RFX8: variants seen among roughly 807,000 people sequenced by gnomAD.
The protein encoded by RFX8 is regulatory factor X8.
In RFX8, 46 loss-of-function variants were observed where a neutral mutation model predicts 54.6. That is an observed-to-expected ratio of 0.84 (90% confidence interval 0.67 to 1.08). RFX8 has a LOEUF of 1.08. Ranked by LOEUF, RFX8 falls within the 50% of genes least tolerant of loss-of-function variation. The pLI is 0.00. For synonymous variants in RFX8, 192 were observed against 209.5 expected (o/e 0.92, Z 0.72); for missense variants, 536 against 562.3 (o/e 0.95, Z 0.47).
Position 101,415,973 on chromosome 2 carries a change from C to A in RFX8, c.503-1061G>T, listed in dbSNP as rs1573380049. On this transcript the variant is annotated intron_variant, in intron 6 of 11. Transcript: ENST00000428343. Reference sequence around the variant, plus strand: ...GCATAGAAAATGGCAGGAATAAGGGCCTTTTCTGGGGACAGCCTGTCTAGT... The same window carrying A: ...GCATAGAAAATGGCAGGAATAAGGGACTTTTCTGGGGACAGCCTGTCTAGT... Among the ~76,000 whole-genome samples the A allele has an allele frequency of 3.3e-5, 5 of 152,272 alleles. No individual in the cohort carries two copies. In the East Asian group the frequency reaches 9.7e-4, roughly 29 times the overall value.
At chr2:101,417,766 C>T (rs1488210885) in intron 5 of RFX8, 82 bp from the exon 6 acceptor site, 16 of 1,245,700 alleles carry the variant, frequency 1.3e-5, no homozygotes, top group Admixed American at 1.1e-4. Flanking sequence ...AGGGACAGGG[C>T]GGGTCTCAAG....
chr2:101,415,449 A>G (rs774909099), intron 6 of RFX8, among the ~76,000 whole-genome samples: 6 of 152,210 alleles, frequency 3.9e-5, no homozygotes, highest in African/African-American at 7.2e-5. Flanking sequence ...AGTTGTTTAT[A>G]TACTGCCACC....
At chr2:101,444,006 T>C (rs1230277411) in intron 2 of RFX8, among the ~76,000 whole-genome samples, 1 of 152,048 alleles carries the variant, frequency 6.6e-6, no homozygotes, top group Non-Finnish European at 1.5e-5. Context: ...GTATGTAGCG[T>C]CACTACTCTC....
intron 8 of RFX8, among the ~76,000 whole-genome samples, chr2:101,412,460 T>C (rs1007142148): frequency 2.0e-5 from 3 of 152,222 alleles, no homozygotes; most frequent in African/African-American, 7.2e-5. Context: ...AAAAGCACCA[T>C]TGTTAAACTT....
intron 2 of RFX8, among the ~76,000 whole-genome samples, chr2:101,422,991 C>T (rs1416634394): frequency 6.6e-6 from 1 of 152,160 alleles, no homozygotes; most frequent in Non-Finnish European, 1.5e-5. Flanking sequence ...GGCATGGTGG[C>T]TCATGCCTAT....
At chr2:101,424,460 G>C (rs192798058) in intron 2 of RFX8, among the ~76,000 whole-genome samples, 7 of 152,186 alleles carry the variant, frequency 4.6e-5, no homozygotes, top group Non-Finnish European at 8.8e-5. Context: ...ACAATGTGGC[G>C]ATTCCTCAAG....
At chr2:101,469,744 T>C (rs1689872842) in intron 1 of RFX8, among the ~76,000 whole-genome samples, 1 of 152,182 alleles carries the variant, frequency 6.6e-6, no homozygotes, top group Non-Finnish European at 1.5e-5. Context: ...TATGAATTGC[T>C]GTCCTCCCAA....
intron 2 of RFX8, among the ~76,000 whole-genome samples, chr2:101,446,868 A>G (rs1681665660): frequency 6.6e-6 from 1 of 152,184 alleles, no homozygotes; most frequent in Non-Finnish European, 1.5e-5. Context: ...AGGAGCCTAC[A>G]GATCAGCAAG....
intron 2 of RFX8, among the ~76,000 whole-genome samples, chr2:101,449,754 T>C (rs1162727426): frequency 6.6e-6 from 1 of 151,686 alleles, no homozygotes; most frequent in African/African-American, 2.4e-5. Flanking sequence ...CAGGAGGCCA[T>C]AGGTGAAAGA....
intron 2 of RFX8, among the ~76,000 whole-genome samples, chr2:101,460,200 T>TG (rs35914826): frequency 0.3 from 45,481 of 151,898 alleles, 7,208 homozygotes; most frequent in Middle Eastern, 0.37. Flanking sequence ...TTGAGCTTCC[T>TG]GGTGAGGCGA....
At chr2:101,445,539 C>T (rs1229745558) in intron 2 of RFX8, among the ~76,000 whole-genome samples, 2 of 151,770 alleles carry the variant, frequency 1.3e-5, no homozygotes, top group Non-Finnish European at 2.9e-5. Flanking sequence ...ACCGCAAGTG[C>T]ACCACCATGC....
At chr2:101,420,075 C>T (rs911401265) in intron 4 of RFX8, among the ~76,000 whole-genome samples, 6 of 152,182 alleles carry the variant, frequency 3.9e-5, no homozygotes, top group African/African-American at 1.4e-4. Flanking sequence ...TCGCTTCTCA[C>T]CTCAACTGTG....
At chr2:101,445,531 C>T (rs575825936) in intron 2 of RFX8, among the ~76,000 whole-genome samples, 9 of 151,674 alleles carry the variant, frequency 5.9e-5, no homozygotes, top group Admixed American at 2.0e-4. Flanking sequence ...TAGCTGGGAC[C>T]GCAAGTGCAC....
intron 8 of RFX8, 141 bp downstream of exon 8, chr2:101,412,774 G>A (rs187336132): frequency 1.3e-5 from 11 of 866,350 alleles, no homozygotes; most frequent in South Asian, 3.7e-5. Flanking sequence ...ACTACAGGAA[G>A]AGAAGTGTGA....
chr2:101,400,621 C>A (rs767029637), intron 11 of RFX8, among the ~76,000 whole-genome samples: 1 of 152,236 alleles, frequency 6.6e-6, no homozygotes, highest in Non-Finnish European at 1.5e-5. Context: ...GCCTTCCTTA[C>A]AGATAAAGCC....
At chr2:101,467,876 A>T (rs558299018) in intron 1 of RFX8, among the ~76,000 whole-genome samples, 3 of 152,258 alleles carry the variant, frequency 2.0e-5, no homozygotes, top group South Asian at 4.2e-4. Context: ...CTTTAAAAAA[A>T]ATATACAAAG....
intron 7 of RFX8, among the ~76,000 whole-genome samples, chr2:101,414,039 C>A (rs771959501): frequency 4.6e-5 from 7 of 152,168 alleles, no homozygotes; most frequent in Admixed American, 3.9e-4. Context: ...GAGCCGGGTG[C>A]CAGCATCATA....
chr2:101,405,828 A>G, intron 10 of RFX8, 115 bp downstream of exon 10: 1 of 576,150 alleles, frequency 1.7e-6, no homozygotes, highest in East Asian at 3.1e-5. Flanking sequence ...TATATTTTAC[A>G]TAGAAAGGTT....
intron 1 of RFX8, among the ~76,000 whole-genome samples, chr2:101,469,041 T>TAC (rs577848709): frequency 0.016 from 332 of 20,694 alleles, 15 homozygotes; most frequent in African/African-American, 0.051. Flanking sequence ...CGTATATATA[T>TAC]GTATATATAT....
Sources: allele counts gnomAD v4.1 joint callset (sites outside exome capture counted in the v4.1 genomes callset), GRCh38; gene constraint gnomAD v4.1.1; transcripts MANE v1.5; gene names NCBI Gene and HGNC (gene_info 2026-07-23, HGNC 2026-07-21).